The following ARHGEF17 variants were observed in gnomAD, a reference collection of about 807,000 sequenced individuals.
ARHGEF17 encodes the protein Rho guanine nucleotide exchange factor 17, also known as 164 kDa Rho-specific guanine-nucleotide exchange factor.
Under a neutral mutation model 174.0 loss-of-function variants are expected in ARHGEF17, and 80 were observed. The ratio of observed to expected loss-of-function variants is 0.46; its 90% confidence interval spans 0.38 to 0.55. The LOEUF (loss-of-function observed/expected upper bound fraction) is 0.55. ARHGEF17 is among the 20% of genes least tolerant of loss of function. The probability of loss-of-function intolerance (pLI) is 0.00; values close to 1 mark genes in which losing one functional copy is unlikely to be tolerated. For synonymous variants in ARHGEF17, 1,311 were observed against 1,189.1 expected, an observed-to-expected ratio of 1.10 and a Z score of -2.11; for missense variants, 2,886 against 2,839.7, an observed-to-expected ratio of 1.02 and a Z score of -0.37.
At position 73,308,967 on chromosome 11, in the gene ARHGEF17, C is replaced by A; in HGVS notation, c.329C>A (p.Ala110Asp). ...GTRDGGVLPA[A>D]AEEAAEGPAR... ...CGAGACGGAGGCGTCTTACCCGCGG[C>A]CGCGGAAGAAGCGGCCGAGGGCCCA... Residue 110 changes from alanine to aspartate, a missense_variant, in exon 1 of 21, where the codon GCC (alanine) becomes GAC (aspartate). Ala to Asp is a moderately radical substitution (Grantham distance 126). Transcript: ENST00000263674. 7.3e-7 allele frequency: 1 copy of A among 1,363,402 alleles called. No individual in the cohort carries two copies. The highest frequency in any genetic ancestry group is 9.4e-7 in the Non-Finnish European group (1 of 1,063,434). 84.5% of individuals were successfully genotyped at this position (1,363,402 alleles called of 1,614,324 possible).
At chr11:73,322,788 G>A (rs528131645) in intron 1 of ARHGEF17, among the ~76,000 whole-genome samples, 68 of 152,132 alleles carry the variant, frequency 4.5e-4, no homozygotes, top group Admixed American at 1.2e-3. Context: ...GGAGAGGAAG[G>A]GCTGGGAGCA....
chr11:73,350,852 G>A (rs1292523836), intron 2 of ARHGEF17, among the ~76,000 whole-genome samples: 5 of 152,104 alleles, frequency 3.3e-5, no homozygotes, highest in Admixed American at 6.5e-5. Flanking sequence ...AGTAATTTAC[G>A]CATTTATCGT....
chr11:73,319,685 A>T (rs562535358), intron 1 of ARHGEF17, among the ~76,000 whole-genome samples: 3 of 152,188 alleles, frequency 2.0e-5, no homozygotes, highest in Non-Finnish European at 4.4e-5. Flanking sequence ...TTCATTTGTC[A>T]TTCATTCATT....
At chr11:73,322,451 A>G (rs1865032041) in intron 1 of ARHGEF17, among the ~76,000 whole-genome samples, 1 of 152,252 alleles carries the variant, frequency 6.6e-6, no homozygotes, top group African/African-American at 2.4e-5. Flanking sequence ...GCCTTGCCCA[A>G]GGCCACACAG....
chr11:73,356,626 G>T, intron 6 of ARHGEF17, 83 bp from the exon 7 acceptor site: 1 of 1,564,998 alleles, frequency 6.4e-7, no homozygotes, highest in South Asian at 1.2e-5. Context: ...CCATGGAGTG[G>T]GGCCGAGGGA....
Position 73,357,112 on chromosome 11 carries a change from C to T in ARHGEF17, c.3979C>T (p.Leu1327=). Residue 1327 remains leucine (L), a synonymous_variant, in exon 8 of 21, where the codon CTG becomes TTG. Coordinates refer to ENST00000263674, the MANE Select transcript of ARHGEF17 (RefSeq NM_014786.4). ...CTTLKRKSGS[L]RRSSMSLYTA... is the part of the protein sequence containing the mutation. Reference sequence around the variant, plus strand: ...CACTCTGAAGCGAAAGTCAGGCTCCCTGCGGCGCAGCTCCATGAGCCTGTG... The same window carrying T: ...CACTCTGAAGCGAAAGTCAGGCTCCTTGCGGCGCAGCTCCATGAGCCTGTG... 1 of 1,614,190 alleles carries T rather than the reference C, an allele frequency of 6.2e-7. No individual in the cohort carries two copies. The highest frequency in any genetic ancestry group is 8.5e-7 in the Non-Finnish European group (1 of 1,180,036).
intron 1 of ARHGEF17, among the ~76,000 whole-genome samples, chr11:73,331,963 C>A (rs1331361873): frequency 6.6e-6 from 1 of 152,110 alleles, no homozygotes; most frequent in Admixed American, 6.5e-5. Flanking sequence ...CAGACATGCC[C>A]ATAGTGAAAG....
chr11:73,335,446 G>A (rs1335527865), intron 1 of ARHGEF17, among the ~76,000 whole-genome samples: 1 of 151,974 alleles, frequency 6.6e-6, no homozygotes, highest in East Asian at 1.9e-4. Context: ...CCTGCTTCCC[G>A]CTATTATCCA....
intron 7 of ARHGEF17, 57 bp from the exon 8 acceptor site, chr11:73,356,968 G>A (rs918228661): frequency 5.1e-6 from 8 of 1,579,402 alleles, no homozygotes; most frequent in East Asian, 4.5e-5. Context: ...CTATGGGCAG[G>A]GGGGTGGGCT....
In ARHGEF17 at chr11:73,309,081, C is replaced by T. The variant is rs1357429453; in HGVS notation, c.443C>T (p.Pro148Leu). Reference protein sequence around the residue: ...SRRPSADSESPGTPSPDGAAW... With the variant: ...SRRPSADSESLGTPSPDGAAW... Reference sequence around the variant, plus strand: ...AGGCCCAGCGCCGACTCTGAATCCCCAGGAACGCCCAGCCCCGACGGTGCC... The same window carrying T: ...AGGCCCAGCGCCGACTCTGAATCCCTAGGAACGCCCAGCCCCGACGGTGCC... The change falls in exon 1 of 21, where the codon CCA becomes CTA. Residue 148 changes from proline to leucine, a missense_variant. Pro to Leu is a moderately conservative substitution (Grantham distance 98). This residue lies in a region of ARHGEF17 where 1,728 missense variants were observed against 1,461.2 expected (regional missense o/e 1.18). Transcript: ENST00000263674. 6.5e-7 allele frequency: 1 copy of T among 1,530,046 alleles called. No individual in the cohort carries two copies. The highest frequency in any genetic ancestry group is 8.7e-7 in the Non-Finnish European group (1 of 1,143,152). 94.8% of individuals were successfully genotyped at this position (1,530,046 alleles called of 1,614,324 possible).
Position 73,309,990 on chromosome 11 carries a change from T to G in ARHGEF17, c.1352T>G (p.Phe451Cys). The change falls in exon 1 of 21, where the codon TTT becomes TGT. Residue 451 changes from phenylalanine (F) to cysteine (C), a missense_variant. Phe to Cys is a radical substitution (Grantham distance 205). Transcript: ENST00000263674. ...TCTAGGGCATTGAGGGATGGAGGATTTGAGCCTGAAAAGAGTCGACAGCGG... is the reference window on the plus strand; with the variant it reads ...TCTAGGGCATTGAGGGATGGAGGATGTGAGCCTGAAAAGAGTCGACAGCGG... The part of the protein sequence containing the change: ...GTSRALRDGG[F>C]EPEKSRQRKS... The G allele has an allele frequency of 6.2e-7, 1 of 1,614,004 alleles. No individual in the cohort carries two copies. The highest frequency in any genetic ancestry group is 8.5e-7 in the Non-Finnish European group (1 of 1,179,980).
chr11:73,363,816 C>T lies in ARHGEF17; in HGVS notation c.5316C>T (p.Ala1772=), dbSNP rs1565210702. The change falls in exon 16 of 21, where the codon GCC becomes GCT. Residue 1772 remains alanine, a synonymous_variant. Coordinates refer to ENST00000263674, the MANE Select transcript of ARHGEF17 (RefSeq NM_014786.4). ...ACAGCATGAAGCTCCAGCATGCGGCCTCTGTGACCTGCATCTTGTAAGGCC... is the reference window on the plus strand; with the variant it reads ...ACAGCATGAAGCTCCAGCATGCGGCTTCTGTGACCTGCATCTTGTAAGGCC... ...RRNSMKLQHA[A]SVTCILYLNN... 6.2e-7 allele frequency: 1 copy of T among 1,613,988 alleles called. No homozygotes were observed. Among genetic ancestry groups the T allele is most frequent in the Middle Eastern group, 1.6e-4 (1 of 6,062 alleles).
chr11:73,360,561 C>T, intron 11 of ARHGEF17, 28 bp downstream of exon 11: 3 of 1,609,904 alleles, frequency 1.9e-6, no homozygotes, highest in Non-Finnish European at 1.7e-6. Flanking sequence ...TTGGCCCTCT[C>T]CTCCTAGAGC....
intron 1 of ARHGEF17, chr11:73,343,008 C>T (rs1032991420): frequency 4.1e-6 from 1 of 245,926 alleles, no homozygotes; most frequent in Non-Finnish European, 7.8e-6. Flanking sequence ...ACCGCGACCG[C>T]CACTGCGGCT....
chr11:73,354,225 T>A (rs1034430958), intron 3 of ARHGEF17, among the ~76,000 whole-genome samples: 14 of 152,212 alleles, frequency 9.2e-5, no homozygotes, highest in African/African-American at 3.1e-4. Context: ...ATCATCACTC[T>A]CAGTGTCAGT....
rs1448024329 is a variant in ARHGEF17, at chr11:73,363,983, T to TA, written c.5333+151dup. The TA allele has an allele frequency of 1.4e-5, 15 of 1,078,802 alleles. No homozygotes were observed. In the Admixed American group the frequency reaches 2.8e-4, roughly 20 times the overall value. The allele number at this position is 1,078,802 out of a possible 1,614,324, so 66.8% of individuals were successfully genotyped here. A position where few individuals can be genotyped will look rare whatever the true frequency, so the allele number is the denominator to read the frequency against. ...CTGGCCCTAGGCTAGCTGTGCCTCT[T>TA]ACACACTGTGTGAGCTCGGGCAAGT... On this transcript the variant is annotated intron_variant, in intron 16 of 20. Transcript: ENST00000263674.
intron 1 of ARHGEF17, among the ~76,000 whole-genome samples, chr11:73,341,610 C>T (rs1227191829): frequency 6.6e-6 from 1 of 152,206 alleles, no homozygotes; most frequent in Admixed American, 6.5e-5. Flanking sequence ...CCGCGCCCGC[C>T]CGAAACTGGT....
At chr11:73,362,983 G>T (rs535792943) in intron 14 of ARHGEF17, among the ~76,000 whole-genome samples, 55 of 152,328 alleles carry the variant, frequency 3.6e-4, no homozygotes, top group Middle Eastern at 6.8e-3. Flanking sequence ...GGGGACCCAC[G>T]GTGTGGCCAC....
At chr11:73,342,169 C>T (rs1865381088) in intron 1 of ARHGEF17, among the ~76,000 whole-genome samples, 1 of 151,334 alleles carries the variant, frequency 6.6e-6, no homozygotes, top group Non-Finnish European at 1.5e-5. Flanking sequence ...GGAGCACAGT[C>T]TAGGGGTGGG....
Sources: allele counts gnomAD v4.1 joint callset (sites outside exome capture counted in the v4.1 genomes callset), GRCh38; gene constraint gnomAD v4.1.1; regional missense constraint gnomAD v4.1.1; transcripts MANE v1.5; gene names NCBI Gene and HGNC (gene_info 2026-07-23, HGNC 2026-07-21).